The following KDM4C variants were observed in gnomAD, a reference collection of about 807,000 sequenced individuals.
KDM4C encodes lysine demethylase 4C.
In KDM4C, 81 loss-of-function variants were observed where a neutral mutation model predicts 129.3. That is an observed-to-expected ratio of 0.63 (90% CI 0.52 to 0.75). The LOEUF is 0.75. Among genes scored for constraint, KDM4C ranks in the 30% least tolerant of loss-of-function variants. KDM4C has a pLI of 0.00. For synonymous variants in KDM4C, 573 were observed against 456.1 expected, an observed-to-expected ratio of 1.26 and a Z score of -3.26; for missense variants, 1,457 against 1,304.0, an observed-to-expected ratio of 1.12 and a Z score of -1.81.
chr9:6,886,029 A>G (rs779367473), intron 6 of KDM4C, among the ~76,000 whole-genome samples: 14 of 152,218 alleles, frequency 9.2e-5, no homozygotes, highest in Non-Finnish European at 1.8e-4. Flanking sequence ...TGTTGCAGAA[A>G]GTTACAGATT....
chr9:6,769,909 G>A (rs566914254), intron 1 of KDM4C, among the ~76,000 whole-genome samples: 1 of 152,220 alleles, frequency 6.6e-6, no homozygotes, highest in African/African-American at 2.4e-5. Context: ...CGCCATGCCC[G>A]GTGGCTCATG....
At chr9:6,982,144 A>G (rs894978010) in intron 9 of KDM4C, 1 of 151,810 alleles carries the variant, frequency 6.6e-6, no homozygotes, top group Non-Finnish European at 1.5e-5. Flanking sequence ...GCTTGTGTCC[A>G]CTTTTTTGAT....
chr9:6,835,665 TTTG>T, intron 4 of KDM4C: 1 of 726,328 alleles, frequency 1.4e-6, no homozygotes, highest in Admixed American at 2.1e-5. Context: ...GGCTTTATTT[TTTG>T]TTTTGTTTTG....
At chr9:7,046,049 G>A (rs1829342411) in intron 15 of KDM4C, among the ~76,000 whole-genome samples, 1 of 152,018 alleles carries the variant, frequency 6.6e-6, no homozygotes, top group South Asian at 2.1e-4. Context: ...AGAAAATTGA[G>A]AGGACAAGCT....
chr9:7,129,532 C>G (rs560738911), intron 19 of KDM4C, among the ~76,000 whole-genome samples: 77 of 152,252 alleles, frequency 5.1e-4, no homozygotes, highest in Non-Finnish European at 9.4e-4. Flanking sequence ...ATTAGTCATC[C>G]CTTCAAGCAC....
upstream of KDM4C, among the ~76,000 whole-genome samples, chr9:6,754,107 C>A (rs1161156413): frequency 6.6e-6 from 1 of 151,904 alleles, no homozygotes; most frequent in African/African-American, 2.4e-5. Flanking sequence ...ATCTCCTGAC[C>A]TCAGGTGATC....
At chr9:6,996,503 A>C (rs1287807916) in intron 12 of KDM4C, among the ~76,000 whole-genome samples, 1 of 152,204 alleles carries the variant, frequency 6.6e-6, no homozygotes, top group Non-Finnish European at 1.5e-5. Flanking sequence ...TCCTACTGTT[A>C]CTTCTAGTCT....
chr9:6,960,713 C>T (rs1374079337), intron 8 of KDM4C, among the ~76,000 whole-genome samples: 1 of 152,078 alleles, frequency 6.6e-6, no homozygotes, highest in Middle Eastern at 3.2e-3. Context: ...ATCTGAATGC[C>T]CACCCTTTGT....
At chr9:6,805,485 AT>A in intron 2 of KDM4C, 113 bp from the exon 3 acceptor site, 1 of 593,864 alleles carries the variant, frequency 1.7e-6, no homozygotes, top group Non-Finnish European at 2.6e-6. Context: ...TTTTTTACAC[AT>A]TTGTCATAGA....
intron 17 of KDM4C, among the ~76,000 whole-genome samples, chr9:7,079,441 A>G (rs555905321): frequency 3.3e-5 from 5 of 151,144 alleles, no homozygotes; most frequent in East Asian, 1.9e-4. Flanking sequence ...TCCTGCCTCA[A>G]CCTCCCAAGT....
intron 19 of KDM4C, among the ~76,000 whole-genome samples, chr9:7,146,205 A>G (rs1367655647): frequency 2.6e-5 from 4 of 152,244 alleles, no homozygotes; most frequent in Non-Finnish European, 5.9e-5. Flanking sequence ...TGCAAGGGAA[A>G]AATCCTCAAA....
chr9:6,755,822 G>T (rs1818234686), upstream of KDM4C, among the ~76,000 whole-genome samples: 2 of 152,190 alleles, frequency 1.3e-5, no homozygotes, highest in African/African-American at 2.4e-5. Flanking sequence ...CATGAGTCCA[G>T]TTGATTTTCT....
At chr9:7,041,445 T>G (rs1828591705) in intron 15 of KDM4C, among the ~76,000 whole-genome samples, 1 of 152,032 alleles carries the variant, frequency 6.6e-6, no homozygotes, top group Admixed American at 6.6e-5. Context: ...TTCATTTGTC[T>G]CTATAGTCAT....
intron 5 of KDM4C, among the ~76,000 whole-genome samples, chr9:6,855,226 T>C (rs1839584523): frequency 6.6e-6 from 1 of 152,104 alleles, no homozygotes; most frequent in Non-Finnish European, 1.5e-5. Context: ...TTTGGGAGGC[T>C]GAGGCGGGCA....
intron 8 of KDM4C, among the ~76,000 whole-genome samples, chr9:6,941,266 C>G (rs558147539): frequency 2.6e-5 from 4 of 152,156 alleles, no homozygotes; most frequent in Non-Finnish European, 5.9e-5. Context: ...GCCTCAGCCT[C>G]CCAGAGTTCT....
At chr9:6,804,648 C>T (rs1419232136) in intron 2 of KDM4C, among the ~76,000 whole-genome samples, 1 of 151,348 alleles carries the variant, frequency 6.6e-6, no homozygotes, top group African/African-American at 2.4e-5. Context: ...ATCCTGGCTA[C>T]TTGGGAGCCT....
intron 17 of KDM4C, among the ~76,000 whole-genome samples, chr9:7,071,869 CTGTT>C (rs930761612): frequency 2.5e-4 from 38 of 152,238 alleles, no homozygotes; most frequent in African/African-American, 8.7e-4. Context: ...CTGAAAGACA[CTGTT>C]TGAGAAGCCA....
At chr9:6,768,415 T>A (rs1340224258) in intron 1 of KDM4C, among the ~76,000 whole-genome samples, 1 of 152,084 alleles carries the variant, frequency 6.6e-6, no homozygotes, top group African/African-American at 2.4e-5. Flanking sequence ...TATGTGTGTG[T>A]TTACATTTTT....
upstream of KDM4C, among the ~76,000 whole-genome samples, chr9:6,757,003 G>A (rs1682740426): frequency 6.6e-6 from 1 of 152,112 alleles, no homozygotes; most frequent in Admixed American, 6.6e-5. Context: ...TAGAGAAAAC[G>A]CCACAAGGGA....
Sources: gnomAD v4.1 joint callset for allele counts (sites outside exome capture counted in the v4.1 genomes callset) on GRCh38, gnomAD v4.1.1 for gene constraint, MANE v1.5 for transcripts, NCBI Gene and HGNC (gene_info 2026-07-23, HGNC 2026-07-21) for gene names.